STRADB: variants seen among roughly 807,000 people sequenced by gnomAD.
STRADB encodes STE20 related adaptor beta.
STRADB carries 34 observed loss-of-function variants against 52.1 expected under a neutral mutation model. The observed-to-expected ratio is 0.65, with a 90% CI of 0.50 to 0.87. The LOEUF (loss-of-function observed/expected upper bound fraction) is 0.87. Ranked by LOEUF, STRADB falls within the 40% of genes least tolerant of loss-of-function variation. STRADB has a pLI of 0.00. For missense variants in STRADB, 340 were observed against 483.9 expected (o/e 0.70, Z 2.79); for synonymous variants, 133 against 174.5 (o/e 0.76, Z 1.87).
intron 3 of STRADB, among the ~76,000 whole-genome samples, chr2:201,464,329 G>A (rs1303538726): frequency 6.6e-6 from 1 of 152,070 alleles, no homozygotes; most frequent in African/African-American, 2.4e-5. Context: ...CAGCAAAACT[G>A]TGACTCTTGC....
chr2:201,453,817 C>T lies in STRADB; in HGVS notation c.-95-929C>T, dbSNP rs12478917. Among the ~76,000 whole-genome samples, 494 of 152,300 alleles carry T rather than the reference C, an allele frequency of 3.2e-3. 11 individuals are homozygous for T. The highest frequency in any genetic ancestry group is 0.028 in the Admixed American group (433 of 15,302). On this transcript the variant is annotated intron_variant, in intron 1 of 11. Coordinates refer to ENST00000194530, the MANE Select transcript of STRADB (RefSeq NM_018571.6). ...TTTCCTCCTTTTGCAGCACAGCAAA[C>T]TCCAGTGCTTTAAATTGACGGTAAT...
chr2:201,452,103 C>T (rs1187874063), intron 1 of STRADB, among the ~76,000 whole-genome samples, 165 bp downstream of exon 1: 1 of 152,030 alleles, frequency 6.6e-6, no homozygotes, highest in African/African-American at 2.4e-5. Context: ...GGCAAGAATG[C>T]GGCCCGAGGT....
intron 1 of STRADB, 108 bp from the exon 2 acceptor site, chr2:201,454,638 T>G: frequency 2.4e-6 from 1 of 420,464 alleles, no homozygotes. Flanking sequence ...GCTGCCTAAA[T>G]ATTGGGTATC....
chr2:201,471,486 A>G, intron 4 of STRADB, among the ~76,000 whole-genome samples: 1 of 152,190 alleles, frequency 6.6e-6, no homozygotes. Flanking sequence ...ATAGCATCTA[A>G]CAGGCATTAT....
intron 3 of STRADB, among the ~76,000 whole-genome samples, chr2:201,459,643 T>C (rs1160181051): frequency 1.3e-5 from 2 of 152,206 alleles, no homozygotes; most frequent in Admixed American, 6.5e-5. Context: ...TCCTTGCCTC[T>C]AGGCTCCTAG....
In STRADB at chr2:201,458,790, T is replaced by C; in HGVS notation, c.19T>C (p.Phe7Leu). 1 of 1,613,820 alleles carries C rather than the reference T, an allele frequency of 6.2e-7. No individual in the cohort carries two copies. The highest frequency in any genetic ancestry group is 2.2e-5 in the East Asian group (1 of 44,846). The change falls in exon 3 of 12, where the codon TTC becomes CTC. Residue 7 changes from phenylalanine (F) to leucine (L), a missense_variant. Transcript: ENST00000194530. MSLLDC[F>L]CTSRTQVESL... ...ATGCATTTCTGACTTCCAGGATTGC[T>C]TCTGCACTTCAAGAACACAAGTTGA...
chr2:201,462,678 C>G (rs1345516534), intron 3 of STRADB, among the ~76,000 whole-genome samples: 2 of 152,204 alleles, frequency 1.3e-5, no homozygotes, highest in Non-Finnish European at 2.9e-5. Flanking sequence ...AAACTGTACA[C>G]TTTAACTTCA....
chr2:201,474,567 T>G, intron 5 of STRADB, 80 bp from the exon 6 acceptor site: 1 of 1,197,890 alleles, frequency 8.3e-7, no homozygotes, highest in Non-Finnish European at 1.2e-6. Flanking sequence ...CCTTGAGTAT[T>G]AGCTGCCACG....
Position 201,474,680 on chromosome 2 carries a change from C to T in STRADB, c.349C>T (p.Pro117Ser), listed in dbSNP as rs1180986259. 3 of 1,611,916 alleles carry T rather than the reference C, an allele frequency of 1.9e-6. No homozygotes were observed. The Admixed American group carries it at 5.0e-5, about 27-fold the overall frequency. ...AVILSHFFRH[P>S]NITTYWTVFT... is the part of the protein sequence containing the mutation. Reference sequence around the variant, plus strand: ...GATTCTATCCCACTTTTTCCGGCATCCCAATATTACAACTTATTGGACAGT... The same window carrying T: ...GATTCTATCCCACTTTTTCCGGCATTCCAATATTACAACTTATTGGACAGT... The change falls in exon 6 of 12, where the codon CCC becomes TCC. Residue 117 changes from proline to serine, a missense_variant. Coordinates refer to ENST00000194530, the MANE Select transcript of STRADB (RefSeq NM_018571.6).
At chr2:201,456,715 AT>A (rs750381085) in intron 2 of STRADB, among the ~76,000 whole-genome samples, 1 of 152,242 alleles carries the variant, frequency 6.6e-6, no homozygotes, top group Non-Finnish European at 1.5e-5. Context: ...ATGTAAAAAT[AT>A]CTTCTTTCAG....
intron 6 of STRADB, 25 bp downstream of exon 6, chr2:201,474,780 T>C: frequency 6.5e-7 from 1 of 1,537,910 alleles, no homozygotes; most frequent in Non-Finnish European, 8.9e-7. Context: ...TTTAAATAAA[T>C]TAACTTAGCC....
intron 3 of STRADB, among the ~76,000 whole-genome samples, chr2:201,466,439 A>G (rs758459347): frequency 2.0e-4 from 31 of 152,356 alleles, no homozygotes; most frequent in Non-Finnish European, 1.3e-4. Context: ...GAAAAGTTGT[A>G]TAATGTAAGT....
chr2:201,462,802 G>A (rs1338228237), intron 3 of STRADB, among the ~76,000 whole-genome samples: 1 of 152,140 alleles, frequency 6.6e-6, no homozygotes, highest in Non-Finnish European at 1.5e-5. Flanking sequence ...AAAGATATGA[G>A]TAGTTTACAC....
chr2:201,464,069 G>A (rs185583281), intron 3 of STRADB, among the ~76,000 whole-genome samples: 2 of 152,016 alleles, frequency 1.3e-5, no homozygotes, highest in African/African-American at 4.8e-5. Context: ...TGTCACTTCG[G>A]GATTGGTCAC....
intron 4 of STRADB, 116 bp from the exon 5 acceptor site, chr2:201,472,839 T>C: frequency 9.4e-7 from 1 of 1,066,708 alleles, no homozygotes; most frequent in Non-Finnish European, 1.3e-6. Context: ...TAGTGTGCCT[T>C]TTCATTTTCT....
intron 3 of STRADB, among the ~76,000 whole-genome samples, chr2:201,460,447 C>T (rs886317215): frequency 6.6e-6 from 1 of 152,080 alleles, no homozygotes; most frequent in Non-Finnish European, 1.5e-5. Flanking sequence ...TGACTGTAGT[C>T]ACTCTGTCAT....
At chr2:201,472,826 C>A in intron 4 of STRADB, 129 bp from the exon 5 acceptor site, 1 of 825,260 alleles carries the variant, frequency 1.2e-6, no homozygotes, top group Non-Finnish European at 1.8e-6. Context: ...TACTTTGAAT[C>A]AGTAGTGTGC....
chr2:201,455,203 AAGCCAAAC>A (rs1189319171), intron 2 of STRADB, among the ~76,000 whole-genome samples: 1 of 152,196 alleles, frequency 6.6e-6, no homozygotes, highest in Admixed American at 6.5e-5. Context: ...GACCAAAAGC[AAGCCAAAC>A]AGTATTAAAA....
rs750960386 is a variant in STRADB, at chr2:201,474,676, G to T, written c.345G>T (p.Arg115=). Residue 115 remains arginine, a synonymous_variant, in exon 6 of 12, where the codon CGG becomes CGT. Transcript: ENST00000194530. The part of the protein sequence containing the change: ...QKAVILSHFF[R]HPNITTYWTV... The stretch of plus-strand genomic sequence containing the variant: ...CCGTGATTCTATCCCACTTTTTCCG[G>T]CATCCCAATATTACAACTTATTGGA... 1.9e-6 allele frequency: 3 copies of T among 1,611,298 alleles called. No homozygotes were observed. The highest frequency in any genetic ancestry group is 2.5e-6 in the Non-Finnish European group (3 of 1,179,306).
Sources: allele counts gnomAD v4.1 joint callset (sites outside exome capture counted in the v4.1 genomes callset), GRCh38; gene constraint gnomAD v4.1.1; transcripts MANE v1.5; gene names NCBI Gene and HGNC (gene_info 2026-07-23, HGNC 2026-07-21).